The following CDH12 variants were observed in gnomAD, a reference collection of about 807,000 sequenced individuals.
CDH12 encodes the protein cadherin-12.
CDH12 carries 41 observed loss-of-function variants against 74.1 expected under a neutral mutation model. The observed-to-expected ratio is 0.55, with a 90% CI of 0.43 to 0.72. The LOEUF (loss-of-function observed/expected upper bound fraction) is 0.72, where lower values mean the gene tolerates loss of function less well. Among genes scored for constraint, CDH12 ranks in the 30% least tolerant of loss-of-function variants. The probability of loss-of-function intolerance (pLI) is 0.00; values close to 1 mark genes in which losing one functional copy is unlikely to be tolerated. For missense variants in CDH12, 945 were observed against 977.2 expected, an observed-to-expected ratio of 0.97 and a Z score of 0.44; for synonymous variants, 399 against 355.0, an observed-to-expected ratio of 1.12 and a Z score of -1.39.
chr5:21,884,731 T>A (rs1752538038), intron 6 of CDH12, among the ~76,000 whole-genome samples: 1 of 152,148 alleles, frequency 6.6e-6, no homozygotes. Context: ...AAATATCCAA[T>A]TATGTGACAA....
intron 2 of CDH12, among the ~76,000 whole-genome samples, chr5:22,462,580 T>C (rs1745565774): frequency 6.6e-6 from 1 of 151,848 alleles, no homozygotes; most frequent in Non-Finnish European, 1.5e-5. Flanking sequence ...TGAAGAAAAA[T>C]CAGATGCCAC....
At chr5:21,965,169 G>A (rs1381439435) in intron 6 of CDH12, among the ~76,000 whole-genome samples, 2 of 152,006 alleles carry the variant, frequency 1.3e-5, no homozygotes, top group Non-Finnish European at 2.9e-5. Context: ...TTTTTAAAGA[G>A]TTTGGGGAAA....
At chr5:22,267,796 A>T (rs985187211) in intron 3 of CDH12, among the ~76,000 whole-genome samples, 2 of 152,156 alleles carry the variant, frequency 1.3e-5, no homozygotes, top group Non-Finnish European at 2.9e-5. Context: ...ACCAGATCCA[A>T]CTTGATAATG....
At chr5:22,033,497 T>C (rs1738968792) in intron 5 of CDH12, among the ~76,000 whole-genome samples, 1 of 152,192 alleles carries the variant, frequency 6.6e-6, no homozygotes. Context: ...AATCTCATAT[T>C]TCTGTGTTAG....
At chr5:22,438,991 T>C (rs922011101) in intron 2 of CDH12, among the ~76,000 whole-genome samples, 5 of 151,898 alleles carry the variant, frequency 3.3e-5, no homozygotes, top group African/African-American at 7.2e-5. Context: ...GAAATTAGCT[T>C]CATTTTGATA....
At chr5:22,843,506 T>A (rs989808215) in intron 1 of CDH12, among the ~76,000 whole-genome samples, 1 of 152,078 alleles carries the variant, frequency 6.6e-6, no homozygotes. Context: ...TGTGTGAAAG[T>A]ATTTCATTTT....
chr5:22,095,845 C>T (rs752471486), intron 4 of CDH12, among the ~76,000 whole-genome samples: 61 of 151,376 alleles, frequency 4.0e-4, no homozygotes, highest in African/African-American at 6.8e-4. Context: ...CTTATCTCTG[C>T]GCCCCGATCC....
At chr5:22,036,493 C>T (rs79560440) in intron 5 of CDH12, among the ~76,000 whole-genome samples, 1,892 of 152,162 alleles carry the variant, frequency 0.012, 47 homozygotes, top group African/African-American at 0.042. Context: ...TAACTGTTCA[C>T]GAACAGACAG....
At chr5:22,392,910 C>T (rs1441035519) in intron 3 of CDH12, among the ~76,000 whole-genome samples, 1 of 152,100 alleles carries the variant, frequency 6.6e-6, no homozygotes, top group Non-Finnish European at 1.5e-5. Context: ...CACCCCTAGT[C>T]ATTAGGAAGA....
chr5:22,681,228 G>GGGGTGTGT (rs1428206303), intron 1 of CDH12, among the ~76,000 whole-genome samples: 53 of 105,822 alleles, frequency 5.0e-4, no homozygotes, highest in African/African-American at 1.6e-3. Flanking sequence ...GGTATTGGGG[G>GGGGTGTGT]GTGTGTGTGT....
chr5:22,679,095 G>A (rs1435407124), intron 1 of CDH12, among the ~76,000 whole-genome samples: 2 of 152,024 alleles, frequency 1.3e-5, no homozygotes, highest in Non-Finnish European at 2.9e-5. Flanking sequence ...CATAACTACA[G>A]TACCTTAAAA....
chr5:22,427,315 G>A (rs1021645281), intron 2 of CDH12, among the ~76,000 whole-genome samples: 4 of 151,996 alleles, frequency 2.6e-5, no homozygotes, highest in East Asian at 1.9e-4. Context: ...CTACAGGCAC[G>A]CACCACCACG....
intron 4 of CDH12, among the ~76,000 whole-genome samples, chr5:22,115,652 G>A (rs1431622691): frequency 6.7e-6 from 1 of 148,216 alleles, no homozygotes; most frequent in Non-Finnish European, 1.5e-5. Flanking sequence ...TTAGCTTTGG[G>A]TTGTGACAAG....
intron 1 of CDH12, among the ~76,000 whole-genome samples, chr5:22,836,390 AT>A (rs900842348): frequency 4.0e-5 from 6 of 149,352 alleles, no homozygotes; most frequent in African/African-American, 7.4e-5. Flanking sequence ...TTCTCGGCTA[AT>A]TTTTTTTTCT....
intron 9 of CDH12, among the ~76,000 whole-genome samples, chr5:21,808,736 A>T (rs1356434506): frequency 6.6e-6 from 1 of 152,084 alleles, no homozygotes; most frequent in African/African-American, 2.4e-5. Flanking sequence ...TATAGTAGTC[A>T]ATTCTTGTCT....
In CDH12 at chr5:22,761,994, T is replaced by C. The variant is rs115637904; in HGVS notation, c.-523+91064A>G. ...CCTAGTGTTATAAAGGTGCCAATGG[T>C]ATAAAGAAAGATTATGAACTTCAAA... On this transcript the variant is annotated intron_variant, in intron 1 of 14. Coordinates refer to ENST00000382254, the MANE Select transcript of CDH12 (RefSeq NM_004061.5). Among the ~76,000 whole-genome samples the C allele has an allele frequency of 3.6e-3, 548 of 151,894 alleles. 1 individual carries two copies. Among genetic ancestry groups the C allele is most frequent in the Admixed American group, 5.4e-3 (83 of 15,236 alleles).
At chr5:22,124,649 CATTT>C (rs1745738343) in intron 4 of CDH12, among the ~76,000 whole-genome samples, 1 of 152,150 alleles carries the variant, frequency 6.6e-6, no homozygotes, top group Non-Finnish European at 1.5e-5. Context: ...CCTTTACTTA[CATTT>C]ATTTATTAAT....
chr5:22,036,010 A>G (rs1739155218), intron 5 of CDH12, among the ~76,000 whole-genome samples: 1 of 152,120 alleles, frequency 6.6e-6, no homozygotes. Context: ...ACAACTCCCT[A>G]CAGTTGGGTG....
At chr5:22,202,878 C>G (rs1751001967) in intron 4 of CDH12, among the ~76,000 whole-genome samples, 1 of 152,186 alleles carries the variant, frequency 6.6e-6, no homozygotes. Flanking sequence ...AAGTGACTTT[C>G]TCTCCCTTCA....
Sources: allele counts gnomAD v4.1 joint callset (sites outside exome capture counted in the v4.1 genomes callset), GRCh38; gene constraint gnomAD v4.1.1; transcripts MANE v1.5; gene names NCBI Gene and HGNC (gene_info 2026-07-23, HGNC 2026-07-21).